TTLL11: variants seen among roughly 807,000 people sequenced by gnomAD.
The protein encoded by TTLL11 is tubulin tyrosine ligase like 11, also known as tubulin polyglutamylase TTLL11.
TTLL11 carries 42 observed loss-of-function variants against 51.7 expected under a neutral mutation model. The observed-to-expected ratio is 0.81, with a 90% confidence interval of 0.64 to 1.05. The LOEUF (loss-of-function observed/expected upper bound fraction) is 1.05. Ranked by LOEUF, TTLL11 falls within the 50% of genes least tolerant of loss-of-function variation. TTLL11 has a pLI of 0.00. For synonymous variants in TTLL11, 381 were observed against 383.5 expected, an observed-to-expected ratio of 0.99 and a Z score of 0.08; for missense variants, 799 against 940.4, an observed-to-expected ratio of 0.85 and a Z score of 1.97.
rs902400399 is a variant in TTLL11 at position 121,853,951 on chromosome 9, C to T, written c.1840+6386G>A. 2.0e-5 allele frequency among the ~76,000 whole-genome samples: 3 copies of T among 152,348 alleles called. No individual in the cohort carries two copies. The highest frequency in any genetic ancestry group is 2.0e-4 in the Admixed American group (3 of 15,300). Reference sequence around the variant, plus strand: ...GTGCAGTAGGAGCAATGGGATCACACTAGGGGCAGACCCGCTTCCTGAGCA... The same window carrying T: ...GTGCAGTAGGAGCAATGGGATCACATTAGGGGCAGACCCGCTTCCTGAGCA... On this transcript the variant is annotated intron_variant, in intron 8 of 8. Transcript: ENST00000321582. The surrounding 1 kb of genome is among the most constrained non-coding windows in gnomAD (Gnocchi z 5.6).
At chr9:122,061,773 G>T (rs1845439745) in intron 1 of TTLL11, among the ~76,000 whole-genome samples, 1 of 152,074 alleles carries the variant, frequency 6.6e-6, no homozygotes, top group Non-Finnish European at 1.5e-5. Context: ...GAGTAGCTGG[G>T]ACTATAGACA....
In TTLL11 at chr9:121,849,101, T is replaced by C. The variant is rs117602570; in HGVS notation, c.1840+11236A>G. The stretch of plus-strand genomic sequence containing the variant: ...GAGTCCTGGTAGGCCCCTGTGAATA[T>C]AGTCAACTGATCTTTGACACAGGAG... On this transcript the variant is annotated intron_variant, in intron 8 of 8. Transcript: ENST00000321582. Among the ~76,000 whole-genome samples the C allele has an allele frequency of 4.5e-3, 691 of 152,344 alleles. 7 individuals carry two copies. The highest frequency in any genetic ancestry group is 6.9e-3 in the Non-Finnish European group (471 of 68,018).
chr9:121,952,074 T>C (rs1841867916), intron 6 of TTLL11, among the ~76,000 whole-genome samples: 1 of 152,196 alleles, frequency 6.6e-6, no homozygotes, highest in Admixed American at 6.5e-5. Context: ...ACCTGTATTT[T>C]GTGCCCATCT....
rs1844779267 is a variant in TTLL11 at position 122,039,254 on chromosome 9, A to C, written c.559+18T>G. 1 of 1,606,620 alleles carries C rather than the reference A, an allele frequency of 6.2e-7. No homozygotes were observed. Among genetic ancestry groups the C allele is most frequent in the African/African-American group, 1.3e-5 (1 of 74,748 alleles). ...GGCCCTAGAAACATGTTTAAATGTC[A>C]ACAATAACAGCAGATACCTGGAAAC... On this transcript the variant is annotated intron_variant, in intron 2 of 8. Coordinates refer to ENST00000321582, the MANE Select transcript of TTLL11 (RefSeq NM_001139442.2).
intron 6 of TTLL11, among the ~76,000 whole-genome samples, chr9:121,937,431 T>G (rs990493492): frequency 6.6e-6 from 1 of 152,188 alleles, no homozygotes; most frequent in Non-Finnish European, 1.5e-5. Context: ...AGAATTTGCA[T>G]GCAAATTCAT....
At chr9:121,887,785 C>T (rs1485371320) in intron 6 of TTLL11, among the ~76,000 whole-genome samples, 2 of 152,192 alleles carry the variant, frequency 1.3e-5, no homozygotes, top group East Asian at 1.9e-4. Context: ...AGCTGTCCCC[C>T]GTCCTTTCTC....
intron 3 of TTLL11, among the ~76,000 whole-genome samples, chr9:122,030,177 G>A (rs1224421926): frequency 7.7e-6 from 1 of 129,330 alleles, no homozygotes; most frequent in African/African-American, 2.8e-5. Context: ...ACAACAGCAT[G>A]AGCAGAGCCA....
rs1491277758 is a variant in TTLL11, at chr9:121,826,184, C to CCATATATATATA, written c.1841-3306_1841-3305insTATATATATATG. Among the ~76,000 whole-genome samples, 53 of 51,100 alleles carry CCATATATATATA rather than the reference C, an allele frequency of 1.0e-3. 4 individuals carry two copies. The highest frequency in any genetic ancestry group is 3.9e-3 in the African/African-American group (45 of 11,444). The allele number at this position is 51,100 out of a possible 152,430, so 33.5% of individuals were successfully genotyped here. On this transcript the variant is annotated intron_variant, in intron 8 of 8. Transcript: ENST00000321582. ...TATATATATATATATAACCAGTAAC[C>CCATATATATATA]TATATATATATATATATATATATAT...
At chr9:122,041,117 C>T (rs1411114529) in intron 1 of TTLL11, among the ~76,000 whole-genome samples, 4 of 152,146 alleles carry the variant, frequency 2.6e-5, no homozygotes, top group Non-Finnish European at 5.9e-5. Flanking sequence ...CAAATTGCCC[C>T]CCCTTTTAGA....
intron 6 of TTLL11, among the ~76,000 whole-genome samples, chr9:121,920,998 G>T (rs1328670594): frequency 6.6e-6 from 1 of 152,186 alleles, no homozygotes; most frequent in Non-Finnish European, 1.5e-5. Context: ...CTGCCAACAA[G>T]TTTCTAACAA....
In TTLL11 at chr9:121,817,400, G is replaced by A. The variant is rs1269163074; in HGVS notation, c.*5187C>T. The A allele has an allele frequency of 6.6e-6, 1 of 152,232 alleles. No individual in the cohort carries two copies. The highest frequency in any genetic ancestry group is 1.5e-5 in the Non-Finnish European group (1 of 68,038). 9.4% of individuals were successfully genotyped at this position (152,232 alleles called of 1,614,324 possible). A position where few individuals can be genotyped will look rare whatever the true frequency, so the allele number is the denominator to read the frequency against. On this transcript the variant is annotated 3_prime_UTR_variant, in exon 9 of 9. Transcript: ENST00000321582. The stretch of plus-strand genomic sequence containing the variant: ...ACCTTCATCCCTTCACACTTTGTAG[G>A]AAGCCAGTAGCCAGGCTGAAGATAA...
chr9:121,910,640 C>T (rs1322966884), intron 6 of TTLL11, among the ~76,000 whole-genome samples: 3 of 152,060 alleles, frequency 2.0e-5, no homozygotes, highest in African/African-American at 4.8e-5. Context: ...AAGTGACATT[C>T]GAGCTGTCAA....
chr9:121,852,721 A>G (rs1042075832), intron 8 of TTLL11, among the ~76,000 whole-genome samples: 1 of 152,160 alleles, frequency 6.6e-6, no homozygotes, highest in Non-Finnish European at 1.5e-5. Context: ...CTGGGAGATC[A>G]GGGTCTGGGT....
chr9:121,846,784 A>G (rs1177987831), intron 8 of TTLL11, among the ~76,000 whole-genome samples: 1 of 152,238 alleles, frequency 6.6e-6, no homozygotes, highest in Non-Finnish European at 1.5e-5. Context: ...CAGTGATATT[A>G]GTGCTTAGAA....
intron 4 of TTLL11, among the ~76,000 whole-genome samples, chr9:121,986,075 T>A (rs539992117): frequency 3.9e-5 from 6 of 152,210 alleles, no homozygotes; most frequent in African/African-American, 1.4e-4. Flanking sequence ...CCCCCCATGC[T>A]CCTCCTCTGG....
Position 122,083,253 on chromosome 9 carries a change from A to G in TTLL11, c.462+9434T>C, listed in dbSNP as rs556320826. Reference sequence around the variant, plus strand: ...CAAATCTGAGCTGAAGTGATGCATCACTTCTGGGTAGACGTTTTAAAAACC... The same window carrying G: ...CAAATCTGAGCTGAAGTGATGCATCGCTTCTGGGTAGACGTTTTAAAAACC... On this transcript the variant is annotated intron_variant, in intron 1 of 8. Transcript: ENST00000321582. Among the ~76,000 whole-genome samples, 17 of 152,054 alleles carry G rather than the reference A, an allele frequency of 1.1e-4. 1 individual carries two copies. The highest frequency in any genetic ancestry group is 3.4e-4 in the African/African-American group (14 of 41,462).
intron 8 of TTLL11, among the ~76,000 whole-genome samples, chr9:121,826,547 ATATG>A (rs1354527394): frequency 6.6e-4 from 23 of 35,070 alleles, no homozygotes; most frequent in African/African-American, 2.5e-3. Context: ...GTATATATAT[ATATG>A]TGTGTGTATA....
chr9:121,882,149 A>C lies in TTLL11; in HGVS notation c.1482-11401T>G, dbSNP rs879296926. Among the ~76,000 whole-genome samples the C allele has an allele frequency of 3.3e-5, 5 of 152,238 alleles. No homozygotes were observed. In the South Asian group the frequency reaches 8.3e-4, roughly 25 times the overall value. On this transcript the variant is annotated intron_variant, in intron 6 of 8. Coordinates refer to ENST00000321582, the MANE Select transcript of TTLL11 (RefSeq NM_001139442.2). The stretch of plus-strand genomic sequence containing the variant: ...AAACAAAGCTAAGCTCAGGTTAAAC[A>C]CAACACTCAAAGTCACGTGCCTCCT...
At chr9:121,861,116 C>G (rs374063917) in intron 7 of TTLL11, among the ~76,000 whole-genome samples, 286 of 144,050 alleles carry the variant, frequency 2.0e-3, no homozygotes, top group African/African-American at 7.1e-3. Context: ...GATACAGAGT[C>G]TTGCTCTGTC....
Sources: allele counts gnomAD v4.1 joint callset (sites outside exome capture counted in the v4.1 genomes callset), GRCh38; gene constraint gnomAD v4.1.1; non-coding constraint Gnocchi (gnomAD v3.1); transcripts MANE v1.5; gene names NCBI Gene and HGNC (gene_info 2026-07-23, HGNC 2026-07-21).